Variants in RPS6KA1 observed in about 807,000 individuals in gnomAD.
The protein encoded by RPS6KA1 is ribosomal protein S6 kinase alpha-1.
In RPS6KA1, 48 loss-of-function variants were observed where a neutral mutation model predicts 91.3. The ratio of observed to expected loss-of-function variants is 0.53; its 90% confidence interval spans 0.42 to 0.67. RPS6KA1 has a LOEUF of 0.67. RPS6KA1 is among the 30% of genes least tolerant of loss of function. The pLI, the probability that RPS6KA1 is intolerant of heterozygous loss-of-function variation, is 0.00. For missense variants in RPS6KA1, 719 were observed against 960.5 expected (o/e 0.75, Z 3.32); for synonymous variants, 359 against 384.7 (o/e 0.93, Z 0.78).
In RPS6KA1 at chr1:26,529,855, C is replaced by T. The variant is rs561090071; in HGVS notation, c.-66C>T. 35 of 1,320,598 alleles carry T rather than the reference C, an allele frequency of 2.7e-5. No homozygotes were observed. The African/African-American group carries it at 5.0e-4, about 19-fold the overall frequency. The allele number at this position is 1,320,598 out of a possible 1,614,324, so 81.8% of individuals were successfully genotyped here. On this transcript the variant is annotated 5_prime_UTR_variant, in exon 1 of 22. Transcript: ENST00000374168. The surrounding 1 kb of genome is among the most constrained non-coding windows in gnomAD (Gnocchi z 4.2). Reference sequence around the variant, plus strand: ...CGGTTCGGGTCGCAGAGCCAGGGACCCCAGGACCCGGGAGGCGGCGCAGCC... The same window carrying T: ...CGGTTCGGGTCGCAGAGCCAGGGACTCCAGGACCCGGGAGGCGGCGCAGCC...
At chr1:26,534,717 A>G (rs1019835573) in intron 1 of RPS6KA1, among the ~76,000 whole-genome samples, 2 of 152,182 alleles carry the variant, frequency 1.3e-5, no homozygotes, top group African/African-American at 4.8e-5. Context: ...TTCACAGATG[A>G]GGAAACTGAA....
intron 1 of RPS6KA1, chr1:26,530,612 C>T: frequency 4.4e-6 from 2 of 449,838 alleles, no homozygotes; most frequent in South Asian, 4.4e-5. Context: ...AAGATGATTC[C>T]TGGCAGGGCG....
intron 17 of RPS6KA1, among the ~76,000 whole-genome samples, chr1:26,565,268 T>C (rs2076189565): frequency 6.6e-6 from 1 of 152,004 alleles, no homozygotes; most frequent in African/African-American, 2.4e-5. Context: ...CCACAGGAGC[T>C]GAGGGATGGG....
In RPS6KA1 at chr1:26,536,110, C is replaced by T. The variant is rs1268039788; in HGVS notation, c.64-815C>T. Among the ~76,000 whole-genome samples the T allele has an allele frequency of 2.8e-5, 4 of 144,070 alleles. No homozygotes were observed. The East Asian group carries it at 8.6e-4, about 31-fold the overall frequency. 94.5% of individuals were successfully genotyped at this position (144,070 alleles called of 152,430 possible). ...CGGAGGTTGCAGTGAGCTGCGATTG[C>T]ACTACTGCACTCCAGCCTCAGCAAC... On this transcript the variant is annotated intron_variant, in intron 1 of 21. Transcript: ENST00000374168.
intron 17 of RPS6KA1, among the ~76,000 whole-genome samples, chr1:26,565,270 A>G (rs1397596063): frequency 1.3e-5 from 2 of 152,232 alleles, no homozygotes; most frequent in East Asian, 3.9e-4. Flanking sequence ...ACAGGAGCTG[A>G]GGGATGGGAA....
intron 17 of RPS6KA1, among the ~76,000 whole-genome samples, chr1:26,563,090 C>T (rs548559803): frequency 6.6e-5 from 10 of 151,884 alleles, no homozygotes; most frequent in South Asian, 4.2e-4. Context: ...CTGCCCGCCT[C>T]GGCCTCCCAA....
chr1:26,557,004 T>C lies in RPS6KA1; in HGVS notation c.988T>C (p.Tyr330His), dbSNP rs896106155. The change falls in exon 13 of 22, where the codon TAC becomes CAC. Residue 330 changes from tyrosine (Y) to histidine (H), a missense_variant. Tyr to His is a moderately conservative substitution (Grantham distance 83). Around this residue, in one of 5 missense-constraint regions of RPS6KA1, gnomAD observed 228 missense variants for 247.6 expected, o/e 0.92. Transcript: ENST00000374168. ...FYSTIDWNKLYRREIKPPFKP... is the reference protein window; with the variant it reads ...FYSTIDWNKLHRREIKPPFKP... Reference sequence around the variant, plus strand: ...TGCCCACCCCACTGTGCAGAAGCTATACCGTCGTGAGATCAAGCCACCCTT... The same window carrying C: ...TGCCCACCCCACTGTGCAGAAGCTACACCGTCGTGAGATCAAGCCACCCTT... The C allele has an allele frequency of 1.9e-6, 3 of 1,613,622 alleles. No homozygotes were observed. Among genetic ancestry groups the C allele is most frequent in the Non-Finnish European group, 2.5e-6 (3 of 1,179,654 alleles).
chr1:26,535,821 C>T (rs2075902020), intron 1 of RPS6KA1, among the ~76,000 whole-genome samples: 1 of 152,046 alleles, frequency 6.6e-6, no homozygotes, highest in Admixed American at 6.6e-5. Context: ...CACATGGGGC[C>T]AGGGCCTACC....
At chr1:26,556,580 G>C in intron 11 of RPS6KA1, 74 bp from the exon 12 acceptor site, 3 of 1,517,938 alleles carry the variant, frequency 2.0e-6, no homozygotes, top group Non-Finnish European at 2.7e-6. Flanking sequence ...AGCCCTGTGA[G>C]GCTGCTTGGT....
chr1:26,567,680 G>T, intron 17 of RPS6KA1, among the ~76,000 whole-genome samples: 1 of 151,956 alleles, frequency 6.6e-6, no homozygotes, highest in East Asian at 1.9e-4. Context: ...TGCCTGGCCT[G>T]GTCTCTAGTG....
chr1:26,568,346 A>G (rs899473577), intron 17 of RPS6KA1, among the ~76,000 whole-genome samples: 40 of 152,268 alleles, frequency 2.6e-4, no homozygotes, highest in South Asian at 1.4e-3. Flanking sequence ...TTAAAGCTGT[A>G]CTTCCCCTCC....
rs2076088390 is a variant in RPS6KA1 at position 26,555,138 on chromosome 1, T to C, written c.757-13T>C. 6.2e-7 allele frequency: 1 copy of C among 1,613,300 alleles called. No individual in the cohort carries two copies. Among genetic ancestry groups the C allele is most frequent in the Non-Finnish European group, 8.5e-7 (1 of 1,179,284 alleles). On this transcript the variant is annotated splice_polypyrimidine_tract_variant and intron_variant, in intron 9 of 21. Transcript: ENST00000374168. The surrounding 1 kb of genome is among the most constrained non-coding windows in gnomAD (Gnocchi z 4.3). The stretch of plus-strand genomic sequence containing the variant: ...CAGGGATCAGAGCCTGAATAGATCC[T>C]TGTCCTCTGCAGTTTGAGATGCTGA...
At chr1:26,536,140 C>G (rs901249888) in intron 1 of RPS6KA1, among the ~76,000 whole-genome samples, 3 of 110,412 alleles carry the variant, frequency 2.7e-5, no homozygotes, top group African/African-American at 1.1e-4. Context: ...AGCAACAGAG[C>G]AAAACTCTGT....
chr1:26,553,246 T>C, intron 6 of RPS6KA1, 145 bp from the exon 7 acceptor site: 1 of 575,292 alleles, frequency 1.7e-6, no homozygotes, highest in Non-Finnish European at 3.2e-6. Context: ...TCAAATCCTT[T>C]GTATGATGAG....
At position 26,553,488 on chromosome 1, in the gene RPS6KA1, A is replaced by G; in HGVS notation, c.566A>G (p.Lys189Arg). 2 of 1,610,686 alleles carry G rather than the reference A, an allele frequency of 1.2e-6. No homozygotes were observed. The highest frequency in any genetic ancestry group is 1.7e-6 in the Non-Finnish European group (2 of 1,177,390). ...CTGGGTATCATTTACAGAGACCTCA[A>G]GCCTGAGAAGTGAGTGAAGCCTCCA... Reference protein sequence around the residue: ...HSLGIIYRDLKPENILLDEEG... With the variant: ...HSLGIIYRDLRPENILLDEEG... The change falls in exon 7 of 22, where the codon AAG (lysine) becomes AGG (arginine). Residue 189 changes from lysine to arginine, a missense_variant. By Grantham distance (26) the Lys-to-Arg change is conservative (BLOSUM62 2). Transcript: ENST00000374168.
At position 26,573,412 on chromosome 1, in the gene RPS6KA1, C is replaced by T. The variant is rs372152610; in HGVS notation, c.2085+51C>T. The stretch of plus-strand genomic sequence containing the variant: ...CATCTGGGGGGTCAGCCCAAGGTGG[C>T]ATGGTCAGGGACTTGTGGAAGAGCC... On this transcript the variant is annotated intron_variant, in intron 21 of 21. Transcript: ENST00000374168. 2.7e-5 allele frequency: 43 copies of T among 1,607,902 alleles called. No homozygotes were observed. In the African/African-American group the frequency reaches 3.3e-4, roughly 12 times the overall value.
In RPS6KA1 at chr1:26,555,601, A is replaced by T. The variant is rs1160351715; in HGVS notation, c.892A>T (p.Lys298Ter). 1 of 1,601,126 alleles carries T rather than the reference A, an allele frequency of 6.2e-7. No homozygotes were observed. The highest frequency in any genetic ancestry group is 8.5e-7 in the Non-Finnish European group (1 of 1,173,168). Residue 298 changes from lysine (K) to a stop codon, truncating the protein, a stop_gained, in exon 11 of 22, where the codon AAG becomes TAG. Coordinates refer to ENST00000374168, the MANE Select transcript of RPS6KA1 (RefSeq NM_002953.4). LOFTEE classifies it high-confidence loss of function. This position sits in a 1 kb window ranked among gnomAD's most constrained non-coding sequence, Gnocchi z 4.3. ...CCAGAGCCTCTTGCGGGCCCTGTTC[A>T]AGCGGAATCCTGCCAACCGGCTCGG... ...EAQSLLRALF[K>*]RNPANRLGSG... is the part of the protein sequence containing the mutation.
chr1:26,530,110 C>G (rs2075857403), intron 1 of RPS6KA1, 127 bp downstream of exon 1: 2 of 490,542 alleles, frequency 4.1e-6, no homozygotes, highest in Admixed American at 4.8e-5. Context: ...CCTCCGATCT[C>G]TTGCCCACTG....
In RPS6KA1 at chr1:26,554,073, C is replaced by A; in HGVS notation, c.576-141C>A. ...CACCCCTGCGTGGTACTGCTACCAC[C>A]CTGCAACACCCGCCCAGTCATCAGA... On this transcript the variant is annotated intron_variant, in intron 7 of 21. Transcript: ENST00000374168. This position sits in a 1 kb window ranked among gnomAD's most constrained non-coding sequence, Gnocchi z 4.6. The A allele has an allele frequency of 1.2e-6, 1 of 816,428 alleles. No individual in the cohort carries two copies. The highest frequency in any genetic ancestry group is 2.7e-5 in the Admixed American group (1 of 37,078). The allele number at this position is 816,428 out of a possible 1,614,324, so 50.6% of individuals were successfully genotyped here.
Sources: gnomAD v4.1 joint callset for allele counts (sites outside exome capture counted in the v4.1 genomes callset) on GRCh38, gnomAD v4.1.1 for gene constraint, gnomAD v4.1.1 regional missense constraint, Gnocchi (gnomAD v3.1) non-coding constraint, MANE v1.5 for transcripts, NCBI Gene and HGNC (gene_info 2026-07-23, HGNC 2026-07-21) for gene names.